NIBAN1: variants seen among roughly 807,000 people sequenced by gnomAD.
NIBAN1 encodes the protein protein Niban 1.
Under a neutral mutation model 75.1 loss-of-function variants are expected in NIBAN1, and 81 were observed. That is an observed-to-expected ratio of 1.08 (90% confidence interval 0.90 to 1.30). The LOEUF (loss-of-function observed/expected upper bound fraction) is 1.30. Ranked by LOEUF, NIBAN1 falls within the 50% of genes most tolerant of loss-of-function variation. The pLI, the probability that NIBAN1 is intolerant of heterozygous loss-of-function variation, is 0.00. For synonymous variants in NIBAN1, 436 were observed against 424.8 expected (o/e 1.03, Z -0.32); for missense variants, 1,133 against 1,128.1 (o/e 1.00, Z -0.06).
chr1:184,917,860 T>C (rs1194828287), intron 1 of NIBAN1, among the ~76,000 whole-genome samples: 4 of 152,194 alleles, frequency 2.6e-5, no homozygotes, highest in Admixed American at 6.5e-5. Context: ...CCCTCTTTTT[T>C]ACCCTTAACC....
chr1:184,816,521 G>T (rs1355861745), intron 9 of NIBAN1, among the ~76,000 whole-genome samples: 1 of 152,124 alleles, frequency 6.6e-6, no homozygotes, highest in Non-Finnish European at 1.5e-5. Context: ...TAAATGGGAG[G>T]CCATTATTTG....
intron 1 of NIBAN1, among the ~76,000 whole-genome samples, chr1:184,944,644 G>C (rs1027757599): frequency 1.3e-5 from 2 of 152,164 alleles, no homozygotes; most frequent in African/African-American, 4.8e-5. Flanking sequence ...AGTAAAGAAA[G>C]CAATGCTTAT....
intron 1 of NIBAN1, among the ~76,000 whole-genome samples, chr1:184,969,844 G>A (rs939759964): frequency 1.3e-5 from 2 of 151,946 alleles, no homozygotes; most frequent in African/African-American, 2.4e-5. Flanking sequence ...GAGTTTTAAT[G>A]CCTGAACAAA....
chr1:184,915,044 C>G (rs1034004870), intron 1 of NIBAN1, among the ~76,000 whole-genome samples: 1 of 152,164 alleles, frequency 6.6e-6, no homozygotes, highest in Non-Finnish European at 1.5e-5. Context: ...TTTTAATAGC[C>G]ACGTGTGGCT....
chr1:184,808,030 C>A, intron 10 of NIBAN1, 44 bp downstream of exon 10: 2 of 1,610,206 alleles, frequency 1.2e-6, no homozygotes, highest in Non-Finnish European at 1.7e-6. Context: ...TTTCTCTGCT[C>A]TCTCTTTACC....
At chr1:184,955,307 T>TTTTCTTTTCCTTTCCTTTCC (rs1658455524) in intron 1 of NIBAN1, among the ~76,000 whole-genome samples, 1 of 94,520 alleles carries the variant, frequency 1.1e-5, no homozygotes, top group East Asian at 2.7e-4. Context: ...TTTTCTTTTC[T>TTTTCTTTTCCTTTCCTTTCC]TTTCCTTTCC....
intron 1 of NIBAN1, among the ~76,000 whole-genome samples, chr1:184,943,754 A>T (rs1289089056): frequency 6.6e-6 from 1 of 152,168 alleles, no homozygotes; most frequent in Non-Finnish European, 1.5e-5. Context: ...ATGACTCCCA[A>T]AATCTTTGCT....
intron 1 of NIBAN1, among the ~76,000 whole-genome samples, chr1:184,906,074 CA>C (rs200966151): frequency 1.5e-5 from 2 of 131,654 alleles, no homozygotes; most frequent in African/African-American, 2.9e-5. Context: ...CTTGACTCTA[CA>C]AAAAAAAATT....
At chr1:184,858,384 G>A (rs1381696565) in intron 5 of NIBAN1, among the ~76,000 whole-genome samples, 2 of 152,118 alleles carry the variant, frequency 1.3e-5, no homozygotes, top group African/African-American at 4.8e-5. Flanking sequence ...AATGAAAATG[G>A]CAAAGAACAT....
intron 9 of NIBAN1, among the ~76,000 whole-genome samples, chr1:184,816,680 T>A (rs1295036818): frequency 6.6e-6 from 1 of 152,122 alleles, no homozygotes; most frequent in African/African-American, 2.4e-5. Flanking sequence ...GTAAATAGGA[T>A]GTTCCAGCAT....
intron 11 of NIBAN1, among the ~76,000 whole-genome samples, chr1:184,804,041 A>G (rs987270380): frequency 8.5e-5 from 13 of 152,214 alleles, no homozygotes; most frequent in Non-Finnish European, 1.6e-4. Context: ...ATGATCATCT[A>G]TTACTCCACA....
rs1183432644 is a variant in NIBAN1 at position 184,894,223 on chromosome 1, A to G, written c.187-17T>C. 1 of 1,585,292 alleles carries G rather than the reference A, an allele frequency of 6.3e-7. No individual in the cohort carries two copies. The highest frequency in any genetic ancestry group is 1.2e-5 in the South Asian group (1 of 85,712). ...CAATGGTGGCTTAAAGAAGATGAAT[A>G]CAATTAACTATCACAACAAAAGATA... is the stretch of plus-strand genomic sequence containing the variant. On this transcript the variant is annotated splice_polypyrimidine_tract_variant and intron_variant, in intron 2 of 13. Transcript: ENST00000367511.
At chr1:184,899,074 GT>G (rs1656878283) in intron 2 of NIBAN1, 104 bp downstream of exon 2, 1 of 1,361,656 alleles carries the variant, frequency 7.3e-7, no homozygotes, top group African/African-American at 1.4e-5. Context: ...TCAGAGCAGA[GT>G]TTTTAAAACT....
chr1:184,813,911 A>G (rs1193395774), intron 9 of NIBAN1, among the ~76,000 whole-genome samples: 1 of 152,196 alleles, frequency 6.6e-6, no homozygotes, highest in African/African-American at 2.4e-5. Flanking sequence ...TCCCTTACTC[A>G]CCAAGGTTTT....
chr1:184,834,556 G>A (rs528742515), intron 5 of NIBAN1, among the ~76,000 whole-genome samples: 1 of 152,264 alleles, frequency 6.6e-6, no homozygotes, highest in South Asian at 2.1e-4. Flanking sequence ...ATTCTAACTG[G>A]TATGAGGTGG....
chr1:184,917,373 T>TC (rs1251994418), intron 1 of NIBAN1, among the ~76,000 whole-genome samples: 30 of 144,334 alleles, frequency 2.1e-4, no homozygotes, highest in East Asian at 1.2e-3. Context: ...GGCTAATTTT[T>TC]TTTTTTTTTT....
rs181112961 is a variant in NIBAN1 at position 184,819,279 on chromosome 1, G to T, written c.986-454C>A. Among the ~76,000 whole-genome samples the T allele has an allele frequency of 1.6e-3, 236 of 152,050 alleles. 1 individual carries two copies. The highest frequency in any genetic ancestry group is 0.014 in the South Asian group (68 of 4,798). Reference sequence around the variant, plus strand: ...CTCTCCCCACCAAAATACTTTTTAAGAACTCCAGTACATTCTTTTCTTGGG... The same window carrying T: ...CTCTCCCCACCAAAATACTTTTTAATAACTCCAGTACATTCTTTTCTTGGG... On this transcript the variant is annotated intron_variant, in intron 8 of 13. Transcript: ENST00000367511.
chr1:184,896,447 C>A (rs961936425), intron 2 of NIBAN1, among the ~76,000 whole-genome samples: 2 of 151,952 alleles, frequency 1.3e-5, no homozygotes, highest in Non-Finnish European at 2.9e-5. Flanking sequence ...GATATTAGTC[C>A]TTTGTTAGGG....
At chr1:184,804,817 T>C (rs1018762212) in intron 11 of NIBAN1, among the ~76,000 whole-genome samples, 1 of 151,738 alleles carries the variant, frequency 6.6e-6, no homozygotes, top group Non-Finnish European at 1.5e-5. Flanking sequence ...AGATAGAGTC[T>C]CACTCTGCCA....
Sources: gnomAD v4.1 joint callset for allele counts (sites outside exome capture counted in the v4.1 genomes callset) on GRCh38, gnomAD v4.1.1 for gene constraint, MANE v1.5 for transcripts, NCBI Gene and HGNC (gene_info 2026-07-23, HGNC 2026-07-21) for gene names.